The following RABGAP1 variants were observed in gnomAD, a reference collection of about 807,000 sequenced individuals.
RABGAP1 encodes rab GTPase-activating protein 1.
In RABGAP1, 23 loss-of-function variants were observed where a neutral mutation model predicts 137.6. The observed-to-expected ratio is 0.17, with a 90% CI of 0.12 to 0.24. The LOEUF is 0.24. Ranked by LOEUF, RABGAP1 falls within the 10% of genes least tolerant of loss-of-function variation. The pLI is 1.00. For synonymous variants in RABGAP1, 451 were observed against 450.7 expected (o/e 1.00, Z -0.01); for missense variants, 906 against 1,275.8 (o/e 0.71, Z 4.42).
At chr9:122,967,822 G>A (rs573755632) in intron 2 of RABGAP1, among the ~76,000 whole-genome samples, 2 of 151,374 alleles carry the variant, frequency 1.3e-5, no homozygotes, top group African/African-American at 4.9e-5. Flanking sequence ...CATCTTCCGG[G>A]TTCAAGTGAT....
intron 1 of RABGAP1, among the ~76,000 whole-genome samples, chr9:122,955,893 T>A (rs561518131): frequency 6.6e-6 from 1 of 152,342 alleles, no homozygotes. Context: ...AGGTACTAGA[T>A]GAACATGGAG....
chr9:123,003,581 G>C (rs1468816344), intron 10 of RABGAP1, among the ~76,000 whole-genome samples: 1 of 152,078 alleles, frequency 6.6e-6, no homozygotes. Flanking sequence ...ATATGTAAAT[G>C]CTTTTTAAGA....
chr9:123,077,636 A>C (rs1422774587), intron 19 of RABGAP1, among the ~76,000 whole-genome samples: 1 of 139,958 alleles, frequency 7.1e-6, no homozygotes, highest in Non-Finnish European at 1.5e-5. Context: ...ATTGTATTGT[A>C]TTGTATTGTA....
chr9:122,971,335 C>T (rs148247000), intron 2 of RABGAP1, among the ~76,000 whole-genome samples: 24 of 152,330 alleles, frequency 1.6e-4, no homozygotes, highest in Admixed American at 1.3e-3. Flanking sequence ...AGGCACCTTA[C>T]AGAAGCAATT....
intron 13 of RABGAP1, among the ~76,000 whole-genome samples, chr9:123,028,958 T>C (rs1443628694): frequency 6.6e-6 from 1 of 152,232 alleles, no homozygotes; most frequent in Non-Finnish European, 1.5e-5. Flanking sequence ...CTTAATATTA[T>C]ATATATTTTT....
chr9:122,946,435 G>C (rs1224071973), intron 1 of RABGAP1, among the ~76,000 whole-genome samples: 1 of 152,034 alleles, frequency 6.6e-6, no homozygotes, highest in African/African-American at 2.4e-5. Context: ...CCTAAAAAGA[G>C]GAAAAGTCTT....
intron 19 of RABGAP1, among the ~76,000 whole-genome samples, chr9:123,085,879 T>C (rs1335225019): frequency 1.3e-5 from 2 of 152,254 alleles, no homozygotes; most frequent in East Asian, 3.8e-4. Flanking sequence ...ATTGGTTAAA[T>C]AAATGTCCCT....
intron 11 of RABGAP1, among the ~76,000 whole-genome samples, chr9:123,014,532 T>C (rs1186837773): frequency 6.6e-6 from 1 of 152,208 alleles, no homozygotes; most frequent in African/African-American, 2.4e-5. Flanking sequence ...TCATAATGAA[T>C]ATTAAGCTCT....
chr9:123,097,967 C>CT (rs370364242), intron 22 of RABGAP1, 122 bp downstream of exon 22: 353 of 746,268 alleles, frequency 4.7e-4, no homozygotes, highest in South Asian at 6.2e-4. Context: ...TTTCCAAAGA[C>CT]TTTTTTTTTC....
intron 1 of RABGAP1, chr9:122,945,431 A>G (rs999858004): frequency 6.6e-6 from 1 of 151,978 alleles, no homozygotes; most frequent in African/African-American, 2.4e-5. Context: ...TAATATTCTG[A>G]GGTACTCAGT....
intron 13 of RABGAP1, among the ~76,000 whole-genome samples, chr9:123,030,703 G>C (rs887575058): frequency 9.9e-5 from 15 of 152,094 alleles, no homozygotes; most frequent in African/African-American, 3.1e-4. Context: ...GGAACATTCA[G>C]TAACCTCCTT....
chr9:123,020,231 T>C (rs1398119730), intron 12 of RABGAP1, 78 bp from the exon 13 acceptor site: 1 of 1,259,846 alleles, frequency 7.9e-7, no homozygotes, highest in Non-Finnish European at 1.1e-6. Context: ...GCCATTTAAA[T>C]TGACTTTGAT....
At chr9:123,084,584 C>G (rs1182471633) in intron 19 of RABGAP1, among the ~76,000 whole-genome samples, 3 of 152,196 alleles carry the variant, frequency 2.0e-5, no homozygotes, top group Admixed American at 1.3e-4. Flanking sequence ...CAGAGGGTAG[C>G]CTGTTTCATG....
At position 123,082,656 on chromosome 9, in the gene RABGAP1, A is replaced by G. The variant is rs536460557; in HGVS notation, c.2424+5894A>G. 2.6e-5 allele frequency among the ~76,000 whole-genome samples: 4 copies of G among 152,320 alleles called. No individual in the cohort carries two copies. The South Asian group carries it at 8.3e-4, about 32-fold the overall frequency. On this transcript the variant is annotated intron_variant, in intron 19 of 25. Coordinates refer to ENST00000373647, the MANE Select transcript of RABGAP1 (RefSeq NM_012197.4). Reference sequence around the variant, plus strand: ...TGAGGACTTGGCCATTTTGCCATAGAATCCTGCTTAAGGTGAAATGGAATT... The same window carrying G: ...TGAGGACTTGGCCATTTTGCCATAGGATCCTGCTTAAGGTGAAATGGAATT...
intron 13 of RABGAP1, among the ~76,000 whole-genome samples, chr9:123,046,226 A>C (rs2033200294): frequency 6.6e-6 from 1 of 152,216 alleles, no homozygotes; most frequent in South Asian, 2.1e-4. Flanking sequence ...CAAGGGAATA[A>C]TAAGTCATTG....
intron 2 of RABGAP1, among the ~76,000 whole-genome samples, chr9:122,962,355 A>G (rs1376396956): frequency 1.3e-5 from 2 of 151,790 alleles, no homozygotes; most frequent in African/African-American, 4.8e-5. Flanking sequence ...CAAAAAACAA[A>G]CAAACCCCCA....
chr9:123,064,947 C>T (rs1009530808), intron 13 of RABGAP1, among the ~76,000 whole-genome samples: 1 of 152,152 alleles, frequency 6.6e-6, no homozygotes, highest in African/African-American at 2.4e-5. Context: ...GGCTTCATTC[C>T]AAAGCATCAA....
intron 2 of RABGAP1, among the ~76,000 whole-genome samples, chr9:122,963,353 A>G (rs1834954388): frequency 6.6e-6 from 1 of 152,258 alleles, no homozygotes; most frequent in African/African-American, 2.4e-5. Context: ...TTGACCAACT[A>G]GAGCTAACAG....
At chr9:123,026,003 T>A (rs1007304657) in intron 13 of RABGAP1, among the ~76,000 whole-genome samples, 5 of 100,830 alleles carry the variant, frequency 5.0e-5, no homozygotes, top group African/African-American at 1.8e-4. Flanking sequence ...GGAAAACATA[T>A]TCTTTTTTTT....
Sources: gnomAD v4.1 joint callset for allele counts (sites outside exome capture counted in the v4.1 genomes callset) on GRCh38, gnomAD v4.1.1 for gene constraint, MANE v1.5 for transcripts, NCBI Gene and HGNC (gene_info 2026-07-23, HGNC 2026-07-21) for gene names.